Variants in TSFM observed in about 807,000 individuals in gnomAD.
The protein encoded by TSFM is Ts translation elongation factor, mitochondrial, also known as elongation factor Ts, mitochondrial.
Under a neutral mutation model 33.4 loss-of-function variants are expected in TSFM, and 29 were observed. The observed-to-expected ratio is 0.87, with a 90% confidence interval of 0.65 to 1.18. The LOEUF is 1.18. Among genes scored for constraint, TSFM ranks in the 50% most tolerant of loss-of-function variants. The probability of loss-of-function intolerance (pLI) is 0.00; values close to 1 mark genes in which losing one functional copy is unlikely to be tolerated. For synonymous variants in TSFM, 178 were observed against 163.5 expected, an observed-to-expected ratio of 1.09 and a Z score of -0.68; for missense variants, 394 against 395.6, an observed-to-expected ratio of 1.00 and a Z score of 0.04.
rs949644607 is a variant in TSFM, at chr12:57,783,005, C to T, written c.58-105C>T. 5.6e-5 allele frequency: 83 copies of T among 1,488,664 alleles called. No homozygotes were observed. The East Asian group carries it at 1.2e-3, about 22-fold the overall frequency. The allele number at this position is 1,488,664 out of a possible 1,614,324, so 92.2% of individuals were successfully genotyped here. ...GCCCAGTCCAGCCCCGGTGCACCCC[C>T]CTTTGCACACTGTCCGCTCCCTAAG... On this transcript the variant is annotated intron_variant, in intron 1 of 5. Transcript: ENST00000652027.
At chr12:57,802,035 G>A, downstream of TSFM, 2 of 1,095,838 alleles carry the variant, frequency 1.8e-6, no homozygotes, top group Non-Finnish European at 2.6e-6. Context: ...CAGGGAGTGG[G>A]ATGGGAGTAG....
downstream of TSFM, chr12:57,799,712 C>A: frequency 6.4e-7 from 1 of 1,572,490 alleles, no homozygotes. Context: ...TGTGCCGGAG[C>A]TGTCCTAGGC....
chr12:57,797,779 A>T, downstream of TSFM: 1 of 936,854 alleles, frequency 1.1e-6, no homozygotes, highest in Non-Finnish European at 1.5e-6. Flanking sequence ...TATCTAAATT[A>T]AGTAGCTGAA....
Position 57,783,274 on chromosome 12 carries a change from C to A in TSFM, c.222C>A (p.Asp74Glu). 3.1e-6 allele frequency: 5 copies of A among 1,613,626 alleles called. No homozygotes were observed. Among genetic ancestry groups the A allele is most frequent in the Non-Finnish European group, 4.2e-6 (5 of 1,179,878 alleles). The change falls in exon 2 of 6, where the codon GAC becomes GAA. Residue 74 changes from aspartate to glutamate, a missense_variant. Asp to Glu is a conservative substitution (Grantham distance 45). Around this residue, in one of 3 missense-constraint regions of TSFM, gnomAD observed 208 missense variants for 180.4 expected, o/e 1.15. Coordinates refer to ENST00000652027, the MANE Select transcript of TSFM (RefSeq NM_005726.6). ...AAGCTCTGGAGACTTGTGGCGGGGA[C>A]CTCAAACAGGTGTGTGTGTGGAGGG... ...CKKALETCGG[D>E]LKQAEIWLHK...
At chr12:57,784,708 G>A (rs1387498635) in intron 2 of TSFM, among the ~76,000 whole-genome samples, 1 of 151,368 alleles carries the variant, frequency 6.6e-6, no homozygotes, top group Non-Finnish European at 1.5e-5. Context: ...GAGAAACCTC[G>A]TCTCTACTAA....
Position 57,797,531 on chromosome 12 carries a change from AAGGT to A in TSFM, c.*953_*956del, listed in dbSNP as rs1450836630. 1.1e-6 allele frequency: 1 copy of A among 949,006 alleles called. No individual in the cohort carries two copies. Among genetic ancestry groups the A allele is most frequent in the Non-Finnish European group, 1.3e-6 (1 of 796,516 alleles). 58.8% of individuals were successfully genotyped at this position (949,006 alleles called of 1,614,324 possible). Reference sequence around the variant, plus strand: ...AATAATCATCTTAAAATTGAAAACAAAGGTAGGTCCTGGTATAATATTAAACATA... The same window carrying A: ...AATAATCATCTTAAAATTGAAAACAAAGGTCCTGGTATAATATTAAACATA... On this transcript the variant is annotated 3_prime_UTR_variant, in exon 6 of 6. Coordinates refer to ENST00000652027, the MANE Select transcript of TSFM (RefSeq NM_005726.6).
downstream of TSFM, chr12:57,798,093 C>A: frequency 2.9e-6 from 2 of 682,942 alleles, no homozygotes; most frequent in South Asian, 2.4e-5. Context: ...CTAGGTGGAT[C>A]CTTGAAGAGG....
chr12:57,799,936 A>T (rs903835336), downstream of TSFM: 2 of 1,613,786 alleles, frequency 1.2e-6, no homozygotes, highest in African/African-American at 2.7e-5. Context: ...TAAGATAAGA[A>T]TGTAGGCACA....
chr12:57,796,803 C>T lies in TSFM; in HGVS notation c.*220C>T, dbSNP rs907180054. The T allele has an allele frequency of 8.6e-5, 102 of 1,183,582 alleles. No individual in the cohort carries two copies. Among genetic ancestry groups the T allele is most frequent in the Middle Eastern group, 6.6e-4 (2 of 3,012 alleles). The allele number at this position is 1,183,582 out of a possible 1,614,324, so 73.3% of individuals were successfully genotyped here. ...GTGGGCCTTATTGACGTGATAGTGT[C>T]GTGGAGAACAGGCATCAACAATACT... On this transcript the variant is annotated 3_prime_UTR_variant, in exon 6 of 6. Coordinates refer to ENST00000652027, the MANE Select transcript of TSFM (RefSeq NM_005726.6).
chr12:57,786,568 G>A (rs551454949), intron 3 of TSFM, among the ~76,000 whole-genome samples: 8 of 152,326 alleles, frequency 5.3e-5, no homozygotes, highest in Admixed American at 4.6e-4. Context: ...TTGTTTCCTG[G>A]AACAGTTAGA....
chr12:57,783,644 C>A (rs1403689769), intron 2 of TSFM: 1 of 570,070 alleles, frequency 1.8e-6, no homozygotes, highest in Non-Finnish European at 3.3e-6. Context: ...CCCAGGCCGG[C>A]GTGCAATGGC....
chr12:57,802,313 C>T (rs756444035), downstream of TSFM: 37 of 1,613,530 alleles, frequency 2.3e-5, no homozygotes, highest in East Asian at 1.8e-4. Context: ...TCTCCTTCTC[C>T]GTGGCATTGG....
At chr12:57,797,952 G>A, downstream of TSFM, 10 of 1,613,224 alleles carry the variant, frequency 6.2e-6, no homozygotes, top group Non-Finnish European at 8.5e-6. Context: ...TTGCCCTCTT[G>A]TGATGCCAAA....
intron 2 of TSFM, among the ~76,000 whole-genome samples, chr12:57,784,619 C>T (rs991708719): frequency 6.6e-5 from 10 of 151,956 alleles, no homozygotes; most frequent in Non-Finnish European, 1.3e-4. Context: ...TGGCTCATGC[C>T]TGTAATCTCA....
chr12:57,787,939 T>G (rs1278528274), intron 4 of TSFM, among the ~76,000 whole-genome samples: 1 of 150,372 alleles, frequency 6.7e-6, no homozygotes, highest in South Asian at 2.1e-4. Context: ...GAGAGAGAGA[T>G]TGGAAAAGAC....
intron 5 of TSFM, 45 bp downstream of exon 5, chr12:57,793,118 A>T: frequency 6.7e-7 from 1 of 1,495,638 alleles, no homozygotes; most frequent in Non-Finnish European, 9.3e-7. Context: ...TAGGGACTGG[A>T]TCTCTTGTTA....
At chr12:57,801,828 T>C (rs1224341952), downstream of TSFM, among the ~76,000 whole-genome samples, 8 of 152,218 alleles carry the variant, frequency 5.3e-5, no homozygotes, top group Admixed American at 5.2e-4. Flanking sequence ...ACTTATCCTC[T>C]TAGCTTCCTT....
intron 4 of TSFM, 73 bp downstream of exon 4, chr12:57,787,235 A>G: frequency 7.1e-7 from 1 of 1,413,480 alleles, no homozygotes; most frequent in Non-Finnish European, 9.7e-7. Flanking sequence ...CCTATTGTAG[A>G]CATTCTCATG....
chr12:57,791,594 T>G (rs890574517), intron 4 of TSFM, among the ~76,000 whole-genome samples: 1 of 152,226 alleles, frequency 6.6e-6, no homozygotes, highest in Non-Finnish European at 1.5e-5. Context: ...CACTTAATAA[T>G]ATGTCCTGGA....
Sources: gnomAD v4.1 joint callset for allele counts (sites outside exome capture counted in the v4.1 genomes callset) on GRCh38, gnomAD v4.1.1 for gene constraint, gnomAD v4.1.1 regional missense constraint, MANE v1.5 for transcripts, NCBI Gene and HGNC (gene_info 2026-07-23, HGNC 2026-07-21) for gene names.